RSPH14: variants seen among roughly 807,000 people sequenced by gnomAD.
RSPH14 encodes radial spoke head 14 homolog.
A neutral mutation model predicts 26.7 loss-of-function variants in RSPH14; 20 were observed. The observed-to-expected ratio is 0.75, with a 90% confidence interval of 0.53 to 1.09. The LOEUF is 1.09. Ranked by LOEUF, RSPH14 falls within the 50% of genes least tolerant of loss-of-function variation. The pLI, the probability that RSPH14 is intolerant of heterozygous loss-of-function variation, is 0.00. For missense variants in RSPH14, 449 were observed against 457.2 expected, an observed-to-expected ratio of 0.98 and a Z score of 0.16; for synonymous variants, 177 against 189.3, an observed-to-expected ratio of 0.93 and a Z score of 0.53.
chr22:23,078,854 C>T (rs927723008), intron 4 of RSPH14, among the ~76,000 whole-genome samples: 6 of 152,192 alleles, frequency 3.9e-5, no homozygotes, highest in East Asian at 1.9e-4. Context: ...TCCTGGCTCC[C>T]GGGCCTGAGG....
Position 23,071,665 on chromosome 22 carries a change from G to C in RSPH14, c.422-7532C>G, listed in dbSNP as rs1291099947. 6.6e-6 allele frequency among the ~76,000 whole-genome samples: 1 copy of C among 152,208 alleles called. No homozygotes were observed. Among genetic ancestry groups the C allele is most frequent in the South Asian group, 2.1e-4 (1 of 4,832 alleles). ...CAGGACTGATTGACCACCGCATAGG[G>C]GAAAACGTCTCTACTCGACCAACCC... On this transcript the variant is annotated intron_variant, in intron 4 of 6. Transcript: ENST00000216036. The surrounding 1 kb of genome is among the most constrained non-coding windows in gnomAD (Gnocchi z 4.1).
chr22:23,118,526 G>A (rs1172581774), intron 4 of RSPH14, among the ~76,000 whole-genome samples: 3 of 151,668 alleles, frequency 2.0e-5, no homozygotes, highest in African/African-American at 7.3e-5. Context: ...AAGGCAAGGA[G>A]GGCTTCTTGC....
At chr22:23,082,520 CGTT>C (rs1555926542) in intron 4 of RSPH14, among the ~76,000 whole-genome samples, 1 of 151,782 alleles carries the variant, frequency 6.6e-6, no homozygotes, top group Non-Finnish European at 1.5e-5. Flanking sequence ...CGCCCGGCCT[CGTT>C]GTGTTTTTTT....
chr22:23,098,890 GGCTGGCACAGGGCTGCCACTCT>G (rs1408667050), intron 4 of RSPH14, among the ~76,000 whole-genome samples: 4 of 152,260 alleles, frequency 2.6e-5, no homozygotes, highest in African/African-American at 9.6e-5. Context: ...TGCTGGCACG[GGCTGGCACAGGGCTGCCACTCT>G]GCTCTCTCCT....
the RSPH14 span, chr22:23,159,066 G>A: frequency 3.1e-6 from 5 of 1,588,260 alleles, no homozygotes; most frequent in African/African-American, 6.7e-5. Context: ...TGGGGAGGGA[G>A]GGAGGCAGCA....
At chr22:23,115,546 G>C (rs929158377) in intron 4 of RSPH14, among the ~76,000 whole-genome samples, 1 of 152,156 alleles carries the variant, frequency 6.6e-6, no homozygotes, top group Non-Finnish European at 1.5e-5. Context: ...GGGGAGCGAG[G>C]AGGAGGCCCA....
At position 23,064,135 on chromosome 22, in the gene RSPH14, T is replaced by C; in HGVS notation, c.422-2A>G. 1 of 1,613,920 alleles carries C rather than the reference T, an allele frequency of 6.2e-7. No individual in the cohort carries two copies. On this transcript the variant is annotated splice_acceptor_variant, in intron 4 of 6. Transcript: ENST00000216036. LOFTEE classifies it high-confidence loss of function. ...CTTTGCTGATGATCTCTTGGGCCCC[T>C]ACAAGGCAGGAAAGGGCACTGAGGG... is the stretch of plus-strand genomic sequence containing the variant.
At chr22:23,118,883 AAGG>A (rs1459018825) in intron 4 of RSPH14, among the ~76,000 whole-genome samples, 2 of 152,228 alleles carry the variant, frequency 1.3e-5, no homozygotes, top group African/African-American at 4.8e-5. Flanking sequence ...CCAGGCCAGG[AAGG>A]AGAACAGAGC....
intron 4 of RSPH14, among the ~76,000 whole-genome samples, chr22:23,098,669 G>A (rs977995547): frequency 3.3e-5 from 5 of 152,262 alleles, no homozygotes; most frequent in Admixed American, 6.5e-5. Context: ...ACCCAAGCGA[G>A]GCTGGAAATT....
chr22:23,128,864 G>A (rs780291408), intron 4 of RSPH14, among the ~76,000 whole-genome samples: 13 of 152,174 alleles, frequency 8.5e-5, no homozygotes, highest in African/African-American at 1.9e-4. Flanking sequence ...TTTGTTGAGC[G>A]CTAGCCACAT....
chr22:23,061,580 G>T (rs1450414264), intron 6 of RSPH14, among the ~76,000 whole-genome samples: 1 of 152,142 alleles, frequency 6.6e-6, no homozygotes, highest in African/African-American at 2.4e-5. Context: ...AGGCACAGAG[G>T]TCCTAATGTG....
Position 23,123,280 on chromosome 22 carries a change from G to A in RSPH14, c.421+10746C>T, listed in dbSNP as rs368759895. 2.0e-5 allele frequency: 32 copies of A among 1,613,894 alleles called. 1 individual carries two copies. Among genetic ancestry groups the A allele is most frequent in the Admixed American group, 3.3e-5 (2 of 59,998 alleles). On this transcript the variant is annotated intron_variant, in intron 4 of 6. Coordinates refer to ENST00000216036, the MANE Select transcript of RSPH14 (RefSeq NM_014433.3). ...GAGGAGGCCGCTGTCTACATCCAGCGGCAGTTTGAAGACCTGAACCGCAAC... is the reference window on the plus strand; with the variant it reads ...GAGGAGGCCGCTGTCTACATCCAGCAGCAGTTTGAAGACCTGAACCGCAAC...
chr22:23,118,300 G>A (rs1280719076), intron 4 of RSPH14, among the ~76,000 whole-genome samples: 1 of 152,238 alleles, frequency 6.6e-6, no homozygotes, highest in African/African-American at 2.4e-5. Flanking sequence ...GCTTCTCACA[G>A]GAACTGTCTG....
intron 4 of RSPH14, chr22:23,123,473 G>C (rs751663346): frequency 4.4e-6 from 6 of 1,353,186 alleles, no homozygotes; most frequent in Non-Finnish European, 6.2e-6. Flanking sequence ...TGAAACCCAC[G>C]GGGTGTCATG....
chr22:23,076,630 C>T (rs2068512749), intron 4 of RSPH14, among the ~76,000 whole-genome samples: 1 of 152,246 alleles, frequency 6.6e-6, no homozygotes, highest in Admixed American at 6.5e-5. Context: ...CTCGGGCTGA[C>T]GCCGGGCCAC....
the RSPH14 span, chr22:23,158,813 C>T: frequency 1.6e-6 from 2 of 1,229,212 alleles, no homozygotes; most frequent in Non-Finnish European, 2.4e-6. Flanking sequence ...CACTTCAGCC[C>T]TGGGGAGGTC....
In RSPH14 at chr22:23,139,684, G is replaced by A. The variant is rs115739461; in HGVS notation, c.199+538C>T. 6.1e-3 allele frequency among the ~76,000 whole-genome samples: 928 copies of A among 152,230 alleles called. 8 individuals carry two copies. Among genetic ancestry groups the A allele is most frequent in the African/African-American group, 0.02 (849 of 41,544 alleles). On this transcript the variant is annotated intron_variant, in intron 2 of 6. Coordinates refer to ENST00000216036, the MANE Select transcript of RSPH14 (RefSeq NM_014433.3). ...TTTATTTATTTATTGGGCAACCCTA[G>A]ACTTACAATCCTTCTCTGAACCATG...
chr22:23,085,557 T>G (rs1569166051), intron 4 of RSPH14, among the ~76,000 whole-genome samples: 2 of 152,218 alleles, frequency 1.3e-5, no homozygotes, highest in African/African-American at 2.4e-5. Context: ...CAAATGGAAC[T>G]GAGCCAGGGA....
At chr22:23,160,921 C>T in the RSPH14 span, 1 of 1,613,820 alleles carries the variant, frequency 6.2e-7, no homozygotes, top group Non-Finnish European at 8.5e-7. Context: ...GCCGCCCTGG[C>T]ATTCGAGCAG....
Sources: gnomAD v4.1 joint callset for allele counts (sites outside exome capture counted in the v4.1 genomes callset) on GRCh38, gnomAD v4.1.1 for gene constraint, Gnocchi (gnomAD v3.1) non-coding constraint, MANE v1.5 for transcripts, NCBI Gene and HGNC (gene_info 2026-07-23, HGNC 2026-07-21) for gene names.